Variants in COL16A1 observed in about 807,000 individuals in gnomAD.
COL16A1 encodes the protein collagen alpha-1(XVI) chain.
A neutral mutation model predicts 266.3 loss-of-function variants in COL16A1; 189 were observed. That is an observed-to-expected ratio of 0.71 (90% CI 0.63 to 0.80). The LOEUF is 0.80. Among genes scored for constraint, COL16A1 ranks in the 30% least tolerant of loss-of-function variants. The pLI is 0.00. For synonymous variants in COL16A1, 740 were observed against 782.3 expected, an observed-to-expected ratio of 0.95 and a Z score of 0.90; for missense variants, 1,928 against 2,122.4, an observed-to-expected ratio of 0.91 and a Z score of 1.80.
At chr1:31,689,460 C>T (rs1047403354) in intron 23 of COL16A1, 3 of 564,978 alleles carry the variant, frequency 5.3e-6, no homozygotes, top group African/African-American at 3.7e-5. Context: ...GCCTCACTCA[C>T]AGTAAGGGTG....
Position 31,658,549 on chromosome 1 carries a change from C to A in COL16A1, c.3959G>T (p.Gly1320Val). Residue 1320 changes from glycine (G) to valine (V), a missense_variant, in exon 64 of 71, where the codon GGA (glycine) becomes GTA (valine). Physicochemically the swap from Gly to Val is moderately radical, Grantham distance 109. Coordinates refer to ENST00000373672, the MANE Select transcript of COL16A1 (RefSeq NM_001856.4). ...VGLKGDRGAT[G>V]ERGLAGLPGQ... is the part of the protein sequence containing the mutation. ...TGGGAGGCCTGCAAGGCCCCTTTCT[C>A]CGGTGGCTCCTCGGTCTCCTTTCAG... The A allele has an allele frequency of 6.2e-7, 1 of 1,604,666 alleles. No individual in the cohort carries two copies.
At position 31,672,657 on chromosome 1, in the gene COL16A1, GCA is replaced by G; in HGVS notation, c.2977-22_2977-21del. The G allele has an allele frequency of 6.2e-7, 1 of 1,605,796 alleles. No individual in the cohort carries two copies. The highest frequency in any genetic ancestry group is 8.5e-7 in the Non-Finnish European group (1 of 1,175,120). On this transcript the variant is annotated intron_variant, in intron 45 of 70. Transcript: ENST00000373672. The stretch of plus-strand genomic sequence containing the variant: ...AAAGCACTGCAAGGGACAATGAGAG[GCA>G]CATTGTCTGATGAGGCAGCCAGGGA...
At chr1:31,672,874 G>T in intron 44 of COL16A1, 34 bp from the exon 45 acceptor site, 1 of 1,602,196 alleles carries the variant, frequency 6.2e-7, no homozygotes, top group Non-Finnish European at 8.5e-7. Context: ...GTGGGGCCTG[G>T]GTTAGAGATG....
intron 58 of COL16A1, 150 bp downstream of exon 58, chr1:31,662,184 G>C (rs1641727629): frequency 7.0e-7 from 1 of 1,426,280 alleles, no homozygotes; most frequent in Admixed American, 2.0e-5. Context: ...CGGGGAGCTG[G>C]GGTAGAGGGA....
At position 31,668,829 on chromosome 1, in the gene COL16A1, C is replaced by T. The variant is rs376729820; in HGVS notation, c.3222G>A (p.Thr1074=). ...GCTCCCCCTTGTCTCCAGTCAGGCC[C>T]GTGAGACCTCGCTCTCCTTGAAGGC... is the stretch of plus-strand genomic sequence containing the variant. The part of the protein sequence containing the change: ...LPGLQGERGL[T]GLTGDKGEPG... Residue 1074 remains threonine, a synonymous_variant, in exon 50 of 71, where the codon ACG becomes ACA. Coordinates refer to ENST00000373672, the MANE Select transcript of COL16A1 (RefSeq NM_001856.4). The surrounding 1 kb of genome is among the most constrained non-coding windows in gnomAD (Gnocchi z 5.8). 55 of 1,613,716 alleles carry T rather than the reference C, an allele frequency of 3.4e-5. No homozygotes were observed. Among genetic ancestry groups the T allele is most frequent in the East Asian group, 6.7e-5 (3 of 44,868 alleles).
At chr1:31,672,924 G>C (rs1405516579) in intron 44 of COL16A1, 84 bp from the exon 45 acceptor site, 1 of 1,283,874 alleles carries the variant, frequency 7.8e-7, no homozygotes, top group Admixed American at 1.9e-5. Context: ...TGAGAACCCA[G>C]AGCCAGGGCT....
chr1:31,660,774 C>T, intron 61 of COL16A1, 136 bp from the exon 62 acceptor site: 1 of 1,319,118 alleles, frequency 7.6e-7, no homozygotes, highest in Non-Finnish European at 1.0e-6. Context: ...TCCCAGCCTC[C>T]AGACCCAAGT....
chr1:31,653,922 A>T lies in COL16A1; in HGVS notation c.4479T>A (p.Pro1493=). 6.2e-7 allele frequency: 1 copy of T among 1,614,140 alleles called. No homozygotes were observed. ...CTCTGCCAATCTGACCAGGGAGCCCAGGTGACCCTGGAGCACCTGGCCTGC... is the reference window on the plus strand; with the variant it reads ...CTCTGCCAATCTGACCAGGGAGCCCTGGTGACCCTGGAGCACCTGGCCTGC... ...APGRPGAPGS[P]GLPGQIGREG... Residue 1493 remains proline, a synonymous_variant, in exon 69 of 71, where the codon CCT becomes CCA. Transcript: ENST00000373672.
chr1:31,665,977 C>G, intron 53 of COL16A1, 42 bp from the exon 54 acceptor site: 4 of 1,614,030 alleles, frequency 2.5e-6, no homozygotes, highest in Non-Finnish European at 3.4e-6. Flanking sequence ...CCTAATCTTC[C>G]TGCCCTCAGA....
chr1:31,675,255 C>T lies in COL16A1; in HGVS notation c.2826+3G>A, dbSNP rs1643086556. The T allele has an allele frequency of 1.9e-6, 3 of 1,614,198 alleles. No individual in the cohort carries two copies. The highest frequency in any genetic ancestry group is 2.5e-6 in the Non-Finnish European group (3 of 1,180,034). On this transcript the variant is annotated splice_donor_region_variant and intron_variant, in intron 43 of 70. Transcript: ENST00000373672. ...TGCACAGGGAGTCCTGGCCAGTACC[C>T]ACCAGTTCTGCAGTGAGCCCAGGCT...
At chr1:31,679,430 C>T (rs775488784) in intron 42 of COL16A1, 3 of 1,577,758 alleles carry the variant, frequency 1.9e-6, no homozygotes. Context: ...TTGCTTGAAA[C>T]AGTGCTGGGA....
chr1:31,682,965 C>T lies in COL16A1; in HGVS notation c.2507G>A (p.Gly836Glu), dbSNP rs1192825970. The T allele has an allele frequency of 1.9e-6, 3 of 1,614,032 alleles. No homozygotes were observed. The highest frequency in any genetic ancestry group is 2.5e-6 in the Non-Finnish European group (3 of 1,180,024). ...PGVKGATGPVGPPGASVSGPP... is the reference protein window; with the variant it reads ...PGVKGATGPVEPPGASVSGPP... ...CCCAGAGACACTGGCCCCAGGAGGT[C>T]CCACAGGTCCGGTGGCTCCTTTCAC... The change falls in exon 37 of 71, where the codon GGA becomes GAA. Residue 836 changes from glycine to glutamate, a missense_variant. Gly to Glu is a moderately conservative substitution (Grantham distance 98, BLOSUM62 -2). Coordinates refer to ENST00000373672, the MANE Select transcript of COL16A1 (RefSeq NM_001856.4).
Position 31,698,068 on chromosome 1 carries a change from G to A in COL16A1, c.495C>T (p.Asp165=). ...TCAGCATCAGCTTGTGCCAACGCAAGTCGAAGAGCTGGGGCACTGGGAAGA... is the reference window on the plus strand; with the variant it reads ...TCAGCATCAGCTTGTGCCAACGCAAATCGAAGAGCTGGGGCACTGGGAAGA... ...SCIFPVPQLF[D]LRWHKLMLSV... Residue 165 remains aspartate, a synonymous_variant, in exon 6 of 71, where the codon GAC becomes GAT. Coordinates refer to ENST00000373672, the MANE Select transcript of COL16A1 (RefSeq NM_001856.4). The surrounding 1 kb of genome is among the most constrained non-coding windows in gnomAD (Gnocchi z 4.1). 1.2e-6 allele frequency: 2 copies of A among 1,614,016 alleles called. No homozygotes were observed. Among genetic ancestry groups the A allele is most frequent in the Non-Finnish European group, 1.7e-6 (2 of 1,180,042 alleles).
intron 19 of COL16A1, 52 bp from the exon 20 acceptor site, chr1:31,691,278 G>A: frequency 6.2e-7 from 1 of 1,607,792 alleles, no homozygotes; most frequent in Non-Finnish European, 8.5e-7. Flanking sequence ...ACTCGCTACA[G>A]CGAGATCTTC....
intron 26 of COL16A1, 183 bp from the exon 27 acceptor site, chr1:31,686,462 C>A: frequency 1.2e-6 from 1 of 813,552 alleles, no homozygotes; most frequent in Admixed American, 2.0e-5. Flanking sequence ...GGGCTAGAAG[C>A]CCTATTTCTG....
Position 31,684,506 on chromosome 1 carries a change from C to T in COL16A1, c.2160+17G>A. 1 of 1,606,602 alleles carries T rather than the reference C, an allele frequency of 6.2e-7. No homozygotes were observed. Among genetic ancestry groups the T allele is most frequent in the African/African-American group, 1.3e-5 (1 of 74,574 alleles). Reference sequence around the variant, plus strand: ...ATGCAACAAACTCCCCGACCCCAACCACCCCGCCTGACTAACCTTTTCTCC... The same window carrying T: ...ATGCAACAAACTCCCCGACCCCAACTACCCCGCCTGACTAACCTTTTCTCC... On this transcript the variant is annotated intron_variant, in intron 31 of 70. Coordinates refer to ENST00000373672, the MANE Select transcript of COL16A1 (RefSeq NM_001856.4).
At chr1:31,655,238 T>A (rs1333506551) in intron 67 of COL16A1, 76 bp downstream of exon 67, 1 of 1,529,994 alleles carries the variant, frequency 6.5e-7, no homozygotes, top group Non-Finnish European at 8.8e-7. Flanking sequence ...AGCAGGAGCT[T>A]GGAAGATGAT....
intron 55 of COL16A1, 82 bp from the exon 56 acceptor site, chr1:31,665,316 C>T (rs1006670278): frequency 6.5e-7 from 1 of 1,547,340 alleles, no homozygotes; most frequent in South Asian, 1.2e-5. Context: ...GTGCATGATG[C>T]ACTGTTGTTA....
intron 39 of COL16A1, among the ~76,000 whole-genome samples, chr1:31,680,678 G>A (rs932665514): frequency 6.6e-5 from 10 of 152,160 alleles, no homozygotes; most frequent in African/African-American, 2.2e-4. Context: ...GTGAAGCTGG[G>A]GATACGTGGA....
Sources: gnomAD v4.1 joint callset for allele counts (sites outside exome capture counted in the v4.1 genomes callset) on GRCh38, gnomAD v4.1.1 for gene constraint, Gnocchi (gnomAD v3.1) non-coding constraint, MANE v1.5 for transcripts, NCBI Gene and HGNC (gene_info 2026-07-23, HGNC 2026-07-21) for gene names.